The following GPR158 variants were observed in gnomAD, a reference collection of about 807,000 sequenced individuals.
The protein encoded by GPR158 is G protein-coupled receptor 158.
Under a neutral mutation model 78.2 loss-of-function variants are expected in GPR158, and 30 were observed. The observed-to-expected ratio is 0.38, with a 90% confidence interval of 0.29 to 0.52. The LOEUF is 0.52. GPR158 is among the 20% of genes least tolerant of loss of function. GPR158 has a pLI of 0.83. For missense variants in GPR158, 1,463 were observed against 1,523.5 expected, an observed-to-expected ratio of 0.96 and a Z score of 0.66; for synonymous variants, 581 against 591.1, an observed-to-expected ratio of 0.98 and a Z score of 0.25.
intron 2 of GPR158, among the ~76,000 whole-genome samples, chr10:25,372,742 A>G (rs2130552558): frequency 6.7e-6 from 1 of 149,476 alleles, no homozygotes; most frequent in Non-Finnish European, 1.5e-5. Flanking sequence ...TAGCACTGGG[A>G]GATATACCTA....
intron 3 of GPR158, among the ~76,000 whole-genome samples, chr10:25,407,552 A>G (rs757232317): frequency 1.2e-4 from 18 of 152,140 alleles, no homozygotes; most frequent in Non-Finnish European, 2.2e-4. Flanking sequence ...CTGACATGTC[A>G]AGATTGGACT....
rs1024761037 is a variant in GPR158, at chr10:25,323,134, C to T, written c.1009-72777C>T. 6.6e-5 allele frequency among the ~76,000 whole-genome samples: 10 copies of T among 152,130 alleles called. No homozygotes were observed. In the East Asian group the frequency reaches 1.2e-3, roughly 18 times the overall value. ...TGCTGGGATTACAGTTGTGAGCCACCGCGCCTGGCCTCTGATTGGCAAGTC... is the reference window on the plus strand; with the variant it reads ...TGCTGGGATTACAGTTGTGAGCCACTGCGCCTGGCCTCTGATTGGCAAGTC... On this transcript the variant is annotated intron_variant, in intron 2 of 10. Coordinates refer to ENST00000376351, the MANE Select transcript of GPR158 (RefSeq NM_020752.3).
intron 2 of GPR158, among the ~76,000 whole-genome samples, chr10:25,295,127 C>G (rs748138519): frequency 6.6e-6 from 1 of 152,172 alleles, no homozygotes; most frequent in East Asian, 1.9e-4. Flanking sequence ...ACATGTAACC[C>G]AAATCCTAGC....
At chr10:25,338,037 T>A (rs762025868) in intron 2 of GPR158, among the ~76,000 whole-genome samples, 5 of 152,084 alleles carry the variant, frequency 3.3e-5, no homozygotes, top group Admixed American at 2.6e-4. Context: ...TTATCAAATG[T>A]AGGTATTGAA....
intron 5 of GPR158, among the ~76,000 whole-genome samples, chr10:25,480,245 C>T (rs1468072215): frequency 6.6e-6 from 1 of 152,128 alleles, no homozygotes; most frequent in African/African-American, 2.4e-5. Flanking sequence ...CTGCCCCCTT[C>T]CCACCAATAT....
At chr10:25,498,003 A>G (rs914568095) in intron 5 of GPR158, among the ~76,000 whole-genome samples, 4 of 152,240 alleles carry the variant, frequency 2.6e-5, no homozygotes, top group Non-Finnish European at 5.9e-5. Flanking sequence ...TTGGAAATAA[A>G]TTTTAAAATG....
chr10:25,336,489 C>T (rs1460647484), intron 2 of GPR158, among the ~76,000 whole-genome samples: 1 of 151,928 alleles, frequency 6.6e-6, no homozygotes, highest in East Asian at 1.9e-4. Context: ...CCCCCAGTGC[C>T]TCAGGGTTAG....
At chr10:25,302,927 A>G (rs1230372563) in intron 2 of GPR158, among the ~76,000 whole-genome samples, 1 of 152,218 alleles carries the variant, frequency 6.6e-6, no homozygotes, top group Non-Finnish European at 1.5e-5. Context: ...GTTCTGAGCA[A>G]ATCACATGAT....
At chr10:25,242,205 C>T (rs192640074) in intron 2 of GPR158, among the ~76,000 whole-genome samples, 109 of 152,280 alleles carry the variant, frequency 7.2e-4, no homozygotes, top group African/African-American at 2.6e-3. Context: ...CAGATGTAGA[C>T]AAACATTGGC....
chr10:25,419,470 G>A (rs1371179618), intron 4 of GPR158, among the ~76,000 whole-genome samples: 1 of 152,102 alleles, frequency 6.6e-6, no homozygotes, highest in Non-Finnish European at 1.5e-5. Context: ...ATGTACAAGT[G>A]TCTATATGAA....
At chr10:25,558,339 G>T (rs576858822) in intron 6 of GPR158, among the ~76,000 whole-genome samples, 4 of 152,260 alleles carry the variant, frequency 2.6e-5, no homozygotes, top group South Asian at 2.1e-4. Flanking sequence ...AATATTCTTC[G>T]TTAGCAACTC....
At chr10:25,202,848 T>G (rs1349401908) in intron 1 of GPR158, among the ~76,000 whole-genome samples, 3 of 152,216 alleles carry the variant, frequency 2.0e-5, no homozygotes, top group African/African-American at 7.2e-5. Context: ...CCACAATGGT[T>G]GAACTAATTT....
intron 4 of GPR158, among the ~76,000 whole-genome samples, chr10:25,421,727 C>T (rs1023308173): frequency 1.3e-5 from 2 of 151,956 alleles, no homozygotes; most frequent in Non-Finnish European, 2.9e-5. Flanking sequence ...ATTATTAAAA[C>T]AATATTATTT....
intron 1 of GPR158, among the ~76,000 whole-genome samples, chr10:25,182,762 C>T (rs1322273352): frequency 6.6e-6 from 1 of 152,198 alleles, no homozygotes; most frequent in Non-Finnish European, 1.5e-5. Context: ...TTGTAATATA[C>T]TGTGATGCCA....
intron 4 of GPR158, among the ~76,000 whole-genome samples, chr10:25,462,332 A>G (rs1835367403): frequency 6.6e-6 from 1 of 152,170 alleles, no homozygotes; most frequent in Admixed American, 6.5e-5. Flanking sequence ...CTTTCAAAAT[A>G]TTACTGCTCA....
intron 2 of GPR158, among the ~76,000 whole-genome samples, chr10:25,350,026 G>C (rs1314212565): frequency 2.0e-5 from 3 of 151,916 alleles, no homozygotes; most frequent in Non-Finnish European, 2.9e-5. Context: ...TGACCTTGGT[G>C]GTAATAAAAG....
intron 2 of GPR158, among the ~76,000 whole-genome samples, chr10:25,327,845 T>G (rs1349396445): frequency 6.6e-6 from 1 of 152,110 alleles, no homozygotes; most frequent in Non-Finnish European, 1.5e-5. Flanking sequence ...TCAAACTTGT[T>G]TGGTAAAATG....
rs181912888 is a variant in GPR158 at position 25,304,699 on chromosome 10, G to A, written c.1008+83542G>A. On this transcript the variant is annotated intron_variant, in intron 2 of 10. Transcript: ENST00000376351. Reference sequence around the variant, plus strand: ...TTTCCACATTTTACATATGAGGATCGACGAACTTAAGCAGTTTGTCCAAAG... The same window carrying A: ...TTTCCACATTTTACATATGAGGATCAACGAACTTAAGCAGTTTGTCCAAAG... Among the ~76,000 whole-genome samples, 553 of 152,092 alleles carry A rather than the reference G, an allele frequency of 3.6e-3. 3 individuals carry two copies. The highest frequency in any genetic ancestry group is 6.0e-3 in the Non-Finnish European group (407 of 67,976).
intron 4 of GPR158, among the ~76,000 whole-genome samples, chr10:25,433,921 A>G (rs1461030338): frequency 6.6e-6 from 1 of 151,920 alleles, no homozygotes; most frequent in Non-Finnish European, 1.5e-5. Flanking sequence ...GCACTTTGGG[A>G]GGCCGAGGTG....
Sources: allele counts gnomAD v4.1 joint callset (sites outside exome capture counted in the v4.1 genomes callset), GRCh38; gene constraint gnomAD v4.1.1; transcripts MANE v1.5; gene names NCBI Gene and HGNC (gene_info 2026-07-23, HGNC 2026-07-21).